Variants in FGF8 observed in about 807,000 individuals in gnomAD.
The protein encoded by FGF8 is fibroblast growth factor 8, also known as androgen-induced growth factor.
A neutral mutation model predicts 29.7 loss-of-function variants in FGF8; 12 were observed. The ratio of observed to expected loss-of-function variants is 0.40; its 90% CI spans 0.26 to 0.65. FGF8 has a LOEUF of 0.65. Ranked by LOEUF, FGF8 falls within the 30% of genes least tolerant of loss-of-function variation. The pLI is 0.37. For synonymous variants in FGF8, 157 were observed against 144.4 expected (o/e 1.09, Z -0.63); for missense variants, 271 against 345.1 (o/e 0.79, Z 1.70).
At chr10:101,774,935 C>T in intron 3 of FGF8, 23 bp from the exon 4 acceptor site, 1 of 1,612,186 alleles carries the variant, frequency 6.2e-7, no homozygotes, top group South Asian at 1.1e-5. Context: ...GAAAAATACA[C>T]AATACACCAT....
chr10:101,770,369 A>G lies in FGF8; in HGVS notation c.695T>C (p.Leu232Pro), dbSNP rs2065002417. The G allele has an allele frequency of 6.2e-7, 1 of 1,601,180 alleles. No individual in the cohort carries two copies. The highest frequency in any genetic ancestry group is 8.5e-7 in the Non-Finnish European group (1 of 1,175,554). Reference sequence around the variant, plus strand: ...GGCCCAAGTCCTCTGGCTGCCGCGCAGGCTGCGCGTGAAGGGCGGGTAGTT... The same window carrying G: ...GGCCCAAGTCCTCTGGCTGCCGCGCGGGCTGCGCGTGAAGGGCGGGTAGTT... ...FLNYPPFTRSLRGSQRTWAPE... is the reference protein window; with the variant it reads ...FLNYPPFTRSPRGSQRTWAPE... Residue 232 changes from leucine (L) to proline (P), a missense_variant, in exon 6 of 6, where the codon CTG (leucine) becomes CCG (proline). Physicochemically the swap from Leu to Pro is moderately conservative, Grantham distance 98 (BLOSUM62 -3). This residue lies in a region of FGF8 where 62 missense variants were observed against 58.1 expected (regional missense o/e 1.07). Coordinates refer to ENST00000320185, the MANE Select transcript of FGF8 (RefSeq NM_033163.5).
chr10:101,772,677 C>G lies in FGF8; in HGVS notation c.338-1108G>C, dbSNP rs2065041300. On this transcript the variant is annotated intron_variant, in intron 4 of 5. Transcript: ENST00000320185. The surrounding 1 kb of genome is among the most constrained non-coding windows in gnomAD (Gnocchi z 4.4). ...ACTTAGCCTGCATTGACATATGGCA[C>G]CTCCTCTGTCCCTGAAACCCATGGC... Among the ~76,000 whole-genome samples the G allele has an allele frequency of 6.6e-6, 1 of 152,216 alleles. No homozygotes were observed. The highest frequency in any genetic ancestry group is 2.1e-4 in the South Asian group (1 of 4,834).
rs1177280156 is a variant in FGF8, at chr10:101,772,867, T to C, written c.338-1298A>G. On this transcript the variant is annotated intron_variant, in intron 4 of 5. Coordinates refer to ENST00000320185, the MANE Select transcript of FGF8 (RefSeq NM_033163.5). This position sits in a 1 kb window ranked among gnomAD's most constrained non-coding sequence, Gnocchi z 4.4. ...ACCTCCCTGCCTGCCCACCTCCTCC[T>C]GGACCTAGCCAGTCTGCTCATCCCT... Among the ~76,000 whole-genome samples, 1 of 152,192 alleles carries C rather than the reference T, an allele frequency of 6.6e-6. No homozygotes were observed. The highest frequency in any genetic ancestry group is 6.5e-5 in the Admixed American group (1 of 15,290).
chr10:101,777,788 G>A (rs1348870), upstream of FGF8, among the ~76,000 whole-genome samples: 84,541 of 152,158 alleles, frequency 0.56, 23,728 homozygotes, highest in East Asian at 0.76. Context: ...AATGATGGGG[G>A]AAGTGGCTGA....
chr10:101,775,218 T>C lies in FGF8; in HGVS notation c.70-2A>G, dbSNP rs1377477640. The C allele has an allele frequency of 6.5e-7, 1 of 1,539,384 alleles. No homozygotes were observed. Among genetic ancestry groups the C allele is most frequent in the Admixed American group, 2.0e-5 (1 of 50,986 alleles). On this transcript the variant is annotated splice_acceptor_variant, in intron 2 of 5. Transcript: ENST00000320185. LOFTEE classifies it high-confidence loss of function. The surrounding 1 kb of genome is among the most constrained non-coding windows in gnomAD (Gnocchi z 4.6). ...CGCAGGGCCCCTGCCCGGGCCTTCC[T>C]AGAGGAGCAGGGCGCTTTTAAGTAG...
rs1487811084 is a variant in FGF8, at chr10:101,775,463, C to T, written c.70-247G>A. 1.8e-5 allele frequency: 11 copies of T among 603,778 alleles called. No individual in the cohort carries two copies. In the East Asian group the frequency reaches 2.8e-4, roughly 15 times the overall value. The allele number at this position is 603,778 out of a possible 1,614,324, so 37.4% of individuals were successfully genotyped here. On this transcript the variant is annotated intron_variant, in intron 2 of 5. Coordinates refer to ENST00000320185, the MANE Select transcript of FGF8 (RefSeq NM_033163.5). This position sits in a 1 kb window ranked among gnomAD's most constrained non-coding sequence, Gnocchi z 4.6. ...CCCCCTTCCTCGGCGGCTGGGTGTTCCCTATGCCCCCAGCCGGCGAGGATG... is the reference window on the plus strand; with the variant it reads ...CCCCCTTCCTCGGCGGCTGGGTGTTTCCTATGCCCCCAGCCGGCGAGGATG...
At position 101,770,141 on chromosome 10, in the gene FGF8, TAAAAA is replaced by T. The variant is rs11322844; in HGVS notation, c.*183_*187del. The stretch of plus-strand genomic sequence containing the variant: ...CAAAAATAGAGCCTCTCTTTTGTTT[TAAAAA>T]AAAAAAAAAAAAAAAAAACAGCAAA... On this transcript the variant is annotated 3_prime_UTR_variant, in exon 6 of 6. Transcript: ENST00000320185. 1.3e-4 allele frequency: 52 copies of T among 392,864 alleles called. No individual in the cohort carries two copies. Among genetic ancestry groups the T allele is most frequent in the South Asian group, 1.6e-4 (3 of 18,870 alleles). 24.3% of individuals were successfully genotyped at this position (392,864 alleles called of 1,614,324 possible).
At chr10:101,776,346 G>A (rs2065094082), upstream of FGF8, among the ~76,000 whole-genome samples, 1 of 149,780 alleles carries the variant, frequency 6.7e-6, no homozygotes, top group Non-Finnish European at 1.5e-5. Flanking sequence ...GAGGGTCTGG[G>A]CTAGGGGAGG....
At chr10:101,779,476 G>C (rs958167147), upstream of FGF8, among the ~76,000 whole-genome samples, 1 of 152,220 alleles carries the variant, frequency 6.6e-6, no homozygotes, top group African/African-American at 2.4e-5. This position sits in a 1 kb window ranked among gnomAD's most constrained non-coding sequence, Gnocchi z 5.7. Flanking sequence ...CTGGGGCGAG[G>C]AGAGAGGAAT....
At chr10:101,777,003 A>T (rs2065104059), upstream of FGF8, among the ~76,000 whole-genome samples, 1 of 151,876 alleles carries the variant, frequency 6.6e-6, no homozygotes, top group Admixed American at 6.6e-5. Context: ...GGGGCAAAAA[A>T]ACTCTCAGTA....
chr10:101,773,600 T>C (rs1175681842), intron 4 of FGF8, among the ~76,000 whole-genome samples: 2 of 152,154 alleles, frequency 1.3e-5, no homozygotes, highest in African/African-American at 2.4e-5. Context: ...CAGTGACAGA[T>C]TTATCCCAGG....
chr10:101,776,610 C>T (rs2065098424), upstream of FGF8, among the ~76,000 whole-genome samples: 1 of 152,112 alleles, frequency 6.6e-6, no homozygotes, highest in Non-Finnish European at 1.5e-5. Flanking sequence ...CTCCGAGCCA[C>T]CTACTGTGTG....
At position 101,774,731 on chromosome 10, in the gene FGF8, C is replaced by T; in HGVS notation, c.337+1G>A. The T allele has an allele frequency of 6.2e-7, 1 of 1,603,048 alleles. No homozygotes were observed. ...CACAAGCTACCTTCAGCGCGCCTTA[C>T]CGAAGGGGTCGCCGTCCTCTGCCAT... On this transcript the variant is annotated splice_donor_variant, in intron 4 of 5. Coordinates refer to ENST00000320185, the MANE Select transcript of FGF8 (RefSeq NM_033163.5). LOFTEE classifies it high-confidence loss of function.
At chr10:101,778,768 G>A (rs1319932838), upstream of FGF8, among the ~76,000 whole-genome samples, 1 of 152,226 alleles carries the variant, frequency 6.6e-6, no homozygotes, top group Admixed American at 6.5e-5. Context: ...ACTGACAGAT[G>A]CAAATGTCCC....
At position 101,771,585 on chromosome 10, in the gene FGF8, GC is replaced by G; in HGVS notation, c.338-17del. 1 of 1,603,754 alleles carries G rather than the reference GC, an allele frequency of 6.2e-7. No homozygotes were observed. The highest frequency in any genetic ancestry group is 8.5e-7 in the Non-Finnish European group (1 of 1,170,744). On this transcript the variant is annotated splice_polypyrimidine_tract_variant and intron_variant, in intron 4 of 5. Transcript: ENST00000320185. This position sits in a 1 kb window ranked among gnomAD's most constrained non-coding sequence, Gnocchi z 5.3. ...ATGAGCTTTGCTGTCAGAGAAGGTA[GC>G]AGGATGGCTATTGGCAGATCCCTGA... is the stretch of plus-strand genomic sequence containing the variant.
At position 101,770,163 on chromosome 10, in the gene FGF8, AAC is replaced by A; in HGVS notation, c.*164_*165del. 5.6e-5 allele frequency: 32 copies of A among 569,278 alleles called. No individual in the cohort carries two copies. Among genetic ancestry groups the A allele is most frequent in the Middle Eastern group, 4.7e-4 (1 of 2,106 alleles). 35.3% of individuals were successfully genotyped at this position (569,278 alleles called of 1,614,324 possible). ...TTTTAAAAAAAAAAAAAAAAAAAAA[AAC>A]AGCAAAAACCCAACAGCAAACAATA... On this transcript the variant is annotated 3_prime_UTR_variant, in exon 6 of 6. Transcript: ENST00000320185.
chr10:101,770,691 C>G, intron 5 of FGF8, 72 bp from the exon 6 acceptor site: 1 of 1,553,640 alleles, frequency 6.4e-7, no homozygotes, highest in Non-Finnish European at 8.8e-7. Flanking sequence ...CGGCCCCAGA[C>G]AGCAGGTGGG....
chr10:101,775,516 C>T lies in FGF8; in HGVS notation c.69+224G>A. ...TGGGGGACAGTGCTGGGCTCCGAGA[C>T]CTTCGTTTCTATCCTGGCCACTCAC... is the stretch of plus-strand genomic sequence containing the variant. On this transcript the variant is annotated intron_variant, in intron 2 of 5. Transcript: ENST00000320185. The surrounding 1 kb of genome is among the most constrained non-coding windows in gnomAD (Gnocchi z 4.6). The T allele has an allele frequency of 3.3e-6, 2 of 612,334 alleles. No individual in the cohort carries two copies. The highest frequency in any genetic ancestry group is 2.9e-6 in the Non-Finnish European group (1 of 347,458). 37.9% of individuals were successfully genotyped at this position (612,334 alleles called of 1,614,324 possible).
upstream of FGF8, among the ~76,000 whole-genome samples, chr10:101,776,376 G>A (rs2735428): frequency 6.6e-6 from 1 of 150,750 alleles, no homozygotes; most frequent in Non-Finnish European, 1.5e-5. Flanking sequence ...ACCCGCGGGA[G>A]GGGCGGGGGC....
Sources: gnomAD v4.1 joint callset for allele counts (sites outside exome capture counted in the v4.1 genomes callset) on GRCh38, gnomAD v4.1.1 for gene constraint, gnomAD v4.1.1 regional missense constraint, Gnocchi (gnomAD v3.1) non-coding constraint, MANE v1.5 for transcripts, NCBI Gene and HGNC (gene_info 2026-07-23, HGNC 2026-07-21) for gene names.